Variants in UBN1 observed in about 807,000 individuals in gnomAD.
The protein encoded by UBN1 is ubinuclein-1.
In UBN1, 17 loss-of-function variants were observed where a neutral mutation model predicts 108.5. The observed-to-expected ratio is 0.16, with a 90% CI of 0.11 to 0.24. The LOEUF (loss-of-function observed/expected upper bound fraction) is 0.24. Ranked by LOEUF, UBN1 falls within the 10% of genes least tolerant of loss-of-function variation. The pLI is 1.00. For missense variants in UBN1, 1,595 were observed against 1,394.4 expected (o/e 1.14, Z -2.29); for synonymous variants, 726 against 564.2 (o/e 1.29, Z -4.07).
At chr16:4,854,655 C>T (rs926578178) in intron 2 of UBN1, among the ~76,000 whole-genome samples, 5 of 151,426 alleles carry the variant, frequency 3.3e-5, no homozygotes, top group Admixed American at 2.6e-4. Context: ...CGTGAGTCAC[C>T]GCACCTGGCC....
intron 7 of UBN1, 92 bp from the exon 8 acceptor site, chr16:4,868,741 T>C: frequency 7.7e-7 from 1 of 1,293,942 alleles, no homozygotes; most frequent in Admixed American, 2.0e-5. Flanking sequence ...ACAGGTGCTC[T>C]TTATGGAGCG....
intron 1 of UBN1, among the ~76,000 whole-genome samples, chr16:4,851,506 C>T (rs2086556744): frequency 6.6e-6 from 1 of 152,074 alleles, no homozygotes; most frequent in Non-Finnish European, 1.5e-5. Context: ...TGGAGACGAA[C>T]ATTCTAGGCA....
chr16:4,863,086 C>G (rs2087147813), intron 7 of UBN1, among the ~76,000 whole-genome samples: 1 of 152,168 alleles, frequency 6.6e-6, no homozygotes, highest in South Asian at 2.1e-4. Context: ...TGGAAATTAT[C>G]CATCCGGCCA....
At chr16:4,852,692 G>C (rs1343767604) in intron 1 of UBN1, 187 bp from the exon 2 acceptor site, 5 of 523,116 alleles carry the variant, frequency 9.6e-6, no homozygotes, top group Admixed American at 3.6e-5. Context: ...ATGCTAAGCA[G>C]TGACTATCTC....
Position 4,875,110 on chromosome 16 carries a change from G to A in UBN1, c.2700G>A (p.Lys900=). 1 of 1,614,184 alleles carries A rather than the reference G, an allele frequency of 6.2e-7. No individual in the cohort carries two copies. Among genetic ancestry groups the A allele is most frequent in the Non-Finnish European group, 8.5e-7 (1 of 1,180,048 alleles). ...TCAGCTCTGCAGGCTCATCTTACAA[G>A]AATAATCCCTTTGCCAGCTCAATCT... ...HSVSSAGSSY[K]NNPFASSISK... The change falls in exon 15 of 18, where the codon AAG becomes AAA. Residue 900 remains lysine (K), a synonymous_variant. Coordinates refer to ENST00000262376, the MANE Select transcript of UBN1 (RefSeq NM_001079514.3).
chr16:4,858,610 G>C lies in UBN1; in HGVS notation c.379G>C (p.Asp127His). 6.2e-7 allele frequency: 1 copy of C among 1,614,158 alleles called. No homozygotes were observed. The highest frequency in any genetic ancestry group is 8.5e-7 in the Non-Finnish European group (1 of 1,180,024). The change falls in exon 4 of 18, where the codon GAT (aspartate) becomes CAT (histidine). Residue 127 changes from aspartate (D) to histidine (H), a missense_variant. This residue lies in a region of UBN1 where 181 missense variants were observed against 157.3 expected (regional missense o/e 1.15). Coordinates refer to ENST00000262376, the MANE Select transcript of UBN1 (RefSeq NM_001079514.3). ...AAAAGACCGAATACAGGACTTGATCGATATGGGGTATGGTTATGATGAATC... is the reference window on the plus strand; with the variant it reads ...AAAAGACCGAATACAGGACTTGATCCATATGGGGTATGGTTATGATGAATC... ...RRKDRIQDLIDMGYGYDESDS... is the reference protein window; with the variant it reads ...RRKDRIQDLIHMGYGYDESDS...
intron 2 of UBN1, 99 bp downstream of exon 2, chr16:4,853,265 G>A (rs994949611): frequency 8.8e-6 from 13 of 1,485,228 alleles, no homozygotes; most frequent in Non-Finnish European, 1.1e-5. Flanking sequence ...CTTAACTGAG[G>A]TTTTGGCTGC....
At position 4,857,891 on chromosome 16, in the gene UBN1, A is replaced by T; in HGVS notation, c.250-99A>T. On this transcript the variant is annotated intron_variant, in intron 2 of 17. Coordinates refer to ENST00000262376, the MANE Select transcript of UBN1 (RefSeq NM_001079514.3). ...TCTACCTTGCCCTTTTCTGGAAAAC[A>T]TTGTTTTTATAGAGGTATTGAGTAA... 4.7e-6 allele frequency: 4 copies of T among 849,768 alleles called. No homozygotes were observed. In the South Asian group the frequency reaches 6.3e-5, roughly 13 times the overall value. The allele number at this position is 849,768 out of a possible 1,614,324, so 52.6% of individuals were successfully genotyped here. A position where few individuals can be genotyped will look rare whatever the true frequency, so the allele number is the denominator to read the frequency against.
chr16:4,868,704 T>G, intron 7 of UBN1, 129 bp from the exon 8 acceptor site: 2 of 779,882 alleles, frequency 2.6e-6, no homozygotes, highest in Non-Finnish European at 4.1e-6. Flanking sequence ...AGGGTGGAGT[T>G]GGAAAGGTGG....
At chr16:4,863,236 C>T (rs1252163998) in intron 7 of UBN1, among the ~76,000 whole-genome samples, 1 of 152,130 alleles carries the variant, frequency 6.6e-6, no homozygotes, top group African/African-American at 2.4e-5. Flanking sequence ...TTTATGGTTG[C>T]ATTAAAAAGG....
chr16:4,873,183 A>G, intron 14 of UBN1, 110 bp downstream of exon 14: 1 of 1,456,040 alleles, frequency 6.9e-7, no homozygotes. Flanking sequence ...TCGTCTGGGG[A>G]CAGCTGCTCA....
At chr16:4,849,911 A>G (rs1488081164) in intron 1 of UBN1, among the ~76,000 whole-genome samples, 2 of 131,306 alleles carry the variant, frequency 1.5e-5, no homozygotes, top group African/African-American at 6.0e-5. Context: ...GTGCCACTGC[A>G]CTCCAGCCTG....
At position 4,870,310 on chromosome 16, in the gene UBN1, A is replaced by G. The variant is rs577122421; in HGVS notation, c.1280A>G (p.Lys427Arg). Residue 427 changes from lysine (K) to arginine (R), a missense_variant, in exon 9 of 18, where the codon AAG becomes AGG. This residue lies in a region of UBN1 where 1,398 missense variants were observed against 1,194.7 expected (regional missense o/e 1.17). Transcript: ENST00000262376. Reference sequence around the variant, plus strand: ...CCCTGCAGCAAGGATGCCCTGCTCAAGCGTGCTCGGAAACTTCACCTCTAT... The same window carrying G: ...CCCTGCAGCAAGGATGCCCTGCTCAGGCGTGCTCGGAAACTTCACCTCTAT... ...FLPCSKDALL[K>R]RARKLHLYEQ... is the part of the protein sequence containing the mutation. 2.8e-4 allele frequency: 455 copies of G among 1,614,162 alleles called. 7 individuals carry two copies. In the South Asian group the frequency reaches 4.2e-3, roughly 15 times the overall value.
At chr16:4,864,813 C>T (rs1466631323) in intron 7 of UBN1, among the ~76,000 whole-genome samples, 1 of 152,126 alleles carries the variant, frequency 6.6e-6, no homozygotes, top group East Asian at 1.9e-4. Context: ...AATTAGAACC[C>T]CTCATCACAA....
Position 4,877,559 on chromosome 16 carries a change from T to G in UBN1, c.3355+85T>G. 1 of 1,485,148 alleles carries G rather than the reference T, an allele frequency of 6.7e-7. No homozygotes were observed. Among genetic ancestry groups the G allele is most frequent in the Non-Finnish European group, 8.9e-7 (1 of 1,121,860 alleles). The allele number at this position is 1,485,148 out of a possible 1,614,324, so 92.0% of individuals were successfully genotyped here. ...AGGTGCTTTGCCGCTGCCAAGGGTC[T>G]TGGTGTCTTTGCCTTGACGCTGTTG... On this transcript the variant is annotated intron_variant, in intron 17 of 17. Transcript: ENST00000262376. The surrounding 1 kb of genome is among the most constrained non-coding windows in gnomAD (Gnocchi z 4.3).
rs2086262291 is a variant in UBN1, at chr16:4,847,680, T to A, written c.-570T>A. 3 of 183,508 alleles carry A rather than the reference T, an allele frequency of 1.6e-5. No homozygotes were observed. The South Asian group carries it at 3.1e-4, about 19-fold the overall frequency. The allele number at this position is 183,508 out of a possible 1,614,324, so 11.4% of individuals were successfully genotyped here. On this transcript the variant is annotated 5_prime_UTR_variant, in exon 1 of 18. Coordinates refer to ENST00000262376, the MANE Select transcript of UBN1 (RefSeq NM_001079514.3). ...GGTCCGGCGCGGGCCCCGGGGCCAT[T>A]CCCGAGCCCGAGGCGCTGGTCGGCC... is the stretch of plus-strand genomic sequence containing the variant.
intron 12 of UBN1, chr16:4,872,303 C>T (rs2087681876): frequency 1.0e-6 from 1 of 985,348 alleles, no homozygotes; most frequent in Non-Finnish European, 1.2e-6. Context: ...GTGCTGTGCC[C>T]TTTAGGGAAG....
intron 1 of UBN1, among the ~76,000 whole-genome samples, chr16:4,849,967 C>CAAAAAAAAAA (rs1427006025): frequency 6.8e-5 from 8 of 117,704 alleles, no homozygotes; most frequent in African/African-American, 2.2e-4. Context: ...AAAAAAAAAA[C>CAAAAAAAAAA]CACAAAAAAA....
rs140270302 is a variant in UBN1 at position 4,874,409 on chromosome 16, C to G, written c.1999C>G (p.Arg667Gly). ...LEDSLDEDLIRNPASSVEAVS... is the reference protein window; with the variant it reads ...LEDSLDEDLIGNPASSVEAVS... ...GGACTCATTGGATGAAGACTTGATCCGCAATCCAGCCTCCTCGGTGGAAGC... is the reference window on the plus strand; with the variant it reads ...GGACTCATTGGATGAAGACTTGATCGGCAATCCAGCCTCCTCGGTGGAAGC... The change falls in exon 15 of 18, where the codon CGC (arginine) becomes GGC (glycine). Residue 667 changes from arginine (R) to glycine (G), a missense_variant. Coordinates refer to ENST00000262376, the MANE Select transcript of UBN1 (RefSeq NM_001079514.3). 3.7e-6 allele frequency: 6 copies of G among 1,614,068 alleles called. No individual in the cohort carries two copies. Among genetic ancestry groups the G allele is most frequent in the Non-Finnish European group, 4.2e-6 (5 of 1,180,012 alleles).
Sources: gnomAD v4.1 joint callset for allele counts (sites outside exome capture counted in the v4.1 genomes callset) on GRCh38, gnomAD v4.1.1 for gene constraint, gnomAD v4.1.1 regional missense constraint, Gnocchi (gnomAD v3.1) non-coding constraint, MANE v1.5 for transcripts, NCBI Gene and HGNC (gene_info 2026-07-23, HGNC 2026-07-21) for gene names.